Variants in GRM1 observed in about 807,000 individuals in gnomAD.
GRM1 encodes metabotropic glutamate receptor 1.
GRM1 carries 33 observed loss-of-function variants against 90.9 expected under a neutral mutation model. The ratio of observed to expected loss-of-function variants is 0.36; its 90% CI spans 0.28 to 0.49. GRM1 has a LOEUF of 0.49. GRM1 is among the 20% of genes least tolerant of loss of function. The pLI is 0.99. For missense variants in GRM1, 1,190 were observed against 1,534.3 expected, an observed-to-expected ratio of 0.78 and a Z score of 3.75; for synonymous variants, 700 against 613.2, an observed-to-expected ratio of 1.14 and a Z score of -2.09.
intron 2 of GRM1, among the ~76,000 whole-genome samples, chr6:146,224,984 T>C (rs1446965858): frequency 6.6e-6 from 1 of 152,124 alleles, no homozygotes; most frequent in African/African-American, 2.4e-5. Flanking sequence ...ATACAGGAGA[T>C]GCATCCCCTT....
intron 1 of GRM1, among the ~76,000 whole-genome samples, chr6:146,142,401 A>G (rs9497458): frequency 0.016 from 2,419 of 152,148 alleles, 54 homozygotes; most frequent in African/African-American, 0.054. Flanking sequence ...CACTGTAACT[A>G]CTACTTGGCT....
At chr6:146,396,799 G>A (rs771956834) in intron 6 of GRM1, among the ~76,000 whole-genome samples, 3 of 152,092 alleles carry the variant, frequency 2.0e-5, no homozygotes, top group African/African-American at 7.2e-5. Context: ...ATAATAAAAA[G>A]CTTATGTCTA....
intron 2 of GRM1, among the ~76,000 whole-genome samples, chr6:146,286,087 A>G (rs1255046145): frequency 6.6e-6 from 1 of 152,192 alleles, no homozygotes; most frequent in East Asian, 1.9e-4. Flanking sequence ...TGATATCTAT[A>G]TCTGTCCTGC....
intron 7 of GRM1, among the ~76,000 whole-genome samples, chr6:146,410,141 A>C (rs1469791960): frequency 3.3e-5 from 5 of 152,164 alleles, no homozygotes; most frequent in Non-Finnish European, 7.4e-5. Context: ...ATGATAGTGG[A>C]GTTGGAGTAG....
intron 2 of GRM1, among the ~76,000 whole-genome samples, chr6:146,244,448 T>A (rs1373003774): frequency 6.6e-6 from 1 of 152,210 alleles, no homozygotes; most frequent in African/African-American, 2.4e-5. Flanking sequence ...CACTTCGTAG[T>A]AAAAGTCTGT....
intron 2 of GRM1, among the ~76,000 whole-genome samples, chr6:146,269,996 A>G (rs1782053830): frequency 6.6e-6 from 1 of 151,944 alleles, no homozygotes; most frequent in Non-Finnish European, 1.5e-5. Context: ...TGGGGGGATC[A>G]ATTTGCATAA....
Position 146,091,411 on chromosome 6 carries a change from G to A in GRM1, c.700+61194G>A, listed in dbSNP as rs183753307. On this transcript the variant is annotated intron_variant, in intron 1 of 7. Transcript: ENST00000282753. ...GCTGATGGGGTCCTTAGCTCTAATA[G>A]GGATTTAGGTGGAAGGTTGGGAACA... 1.5e-3 allele frequency among the ~76,000 whole-genome samples: 222 copies of A among 152,214 alleles called. 4 individuals are homozygous for A. Among genetic ancestry groups the A allele is most frequent in the Admixed American group, 0.014 (217 of 15,272 alleles).
chr6:146,150,837 A>G (rs1372514416), intron 1 of GRM1, among the ~76,000 whole-genome samples: 1 of 152,086 alleles, frequency 6.6e-6, no homozygotes, highest in Admixed American at 6.6e-5. Flanking sequence ...ATTTCAGTTA[A>G]CATAATGTCC....
At chr6:146,065,657 G>A (rs771860523) in intron 1 of GRM1, among the ~76,000 whole-genome samples, 1 of 152,136 alleles carries the variant, frequency 6.6e-6, no homozygotes, top group African/African-American at 2.4e-5. Flanking sequence ...CGTAAACAAG[G>A]ATAGAAGCAG....
chr6:146,194,601 A>G (rs1199077923), intron 2 of GRM1, among the ~76,000 whole-genome samples: 1 of 152,198 alleles, frequency 6.6e-6, no homozygotes, highest in Non-Finnish European at 1.5e-5. Context: ...GAGCTTCCCA[A>G]CACATGCACT....
intron 2 of GRM1, among the ~76,000 whole-genome samples, chr6:146,228,300 G>A (rs1780321853): frequency 6.6e-6 from 1 of 152,178 alleles, no homozygotes; most frequent in Non-Finnish European, 1.5e-5. Context: ...GCAGGTGCTG[G>A]TGTCTGGTGA....
chr6:146,052,881 T>C (rs1197269823), intron 1 of GRM1, among the ~76,000 whole-genome samples: 1 of 152,084 alleles, frequency 6.6e-6, no homozygotes, highest in Admixed American at 6.6e-5. Flanking sequence ...TATACTCACC[T>C]ACTAACAGGA....
At chr6:146,351,344 A>AAC (rs553386646) in intron 3 of GRM1, among the ~76,000 whole-genome samples, 378 of 152,336 alleles carry the variant, frequency 2.5e-3, no homozygotes, top group African/African-American at 8.7e-3. Context: ...TTCAGGAACC[A>AAC]ACTAAAGTCT....
intron 3 of GRM1, among the ~76,000 whole-genome samples, chr6:146,320,838 GTCTATTTGA>G (rs997354877): frequency 1.2e-4 from 18 of 151,912 alleles, no homozygotes; most frequent in Non-Finnish European, 2.5e-4. Context: ...ATTTTATTGT[GTCTATTTGA>G]TTCTTCTCTC....
At chr6:146,052,299 A>G (rs575084011) in intron 1 of GRM1, among the ~76,000 whole-genome samples, 11 of 151,892 alleles carry the variant, frequency 7.2e-5, no homozygotes, top group Non-Finnish European at 8.8e-5. Context: ...GTTGTTTATA[A>G]CTTAAGTTTT....
intron 2 of GRM1, among the ~76,000 whole-genome samples, chr6:146,174,826 G>T (rs574895404): frequency 6.6e-6 from 1 of 152,284 alleles, no homozygotes; most frequent in African/African-American, 2.4e-5. Flanking sequence ...ATTATCTCAA[G>T]GCTCAATTTG....
chr6:146,310,985 C>A (rs1318729932), intron 3 of GRM1, among the ~76,000 whole-genome samples: 2 of 152,124 alleles, frequency 1.3e-5, no homozygotes, highest in East Asian at 1.9e-4. Context: ...TTTTTTGGGG[C>A]AATTGATAAC....
intron 3 of GRM1, among the ~76,000 whole-genome samples, chr6:146,306,683 A>G (rs960647617): frequency 6.6e-6 from 1 of 152,162 alleles, no homozygotes; most frequent in African/African-American, 2.4e-5. Flanking sequence ...CCCAAGGAGA[A>G]GAGCAGTGAG....
At position 146,386,797 on chromosome 6, in the gene GRM1, T is replaced by C. The variant is rs537767024; in HGVS notation, c.1603-93T>C. The C allele has an allele frequency of 2.9e-5, 27 of 936,210 alleles. 1 individual carries two copies. In the South Asian group the frequency reaches 3.6e-4, roughly 12 times the overall value. 58.0% of individuals were successfully genotyped at this position (936,210 alleles called of 1,614,324 possible). On this transcript the variant is annotated intron_variant, in intron 5 of 7. Transcript: ENST00000282753. ...ATTATTTTCATAGTTAGTCTTTTTT[T>C]CTTTATTCATAATCTGAAAACAAAT...
Sources: gnomAD v4.1 joint callset for allele counts (sites outside exome capture counted in the v4.1 genomes callset) on GRCh38, gnomAD v4.1.1 for gene constraint, MANE v1.5 for transcripts, NCBI Gene and HGNC (gene_info 2026-07-23, HGNC 2026-07-21) for gene names.